Variants in NFYA observed in about 807,000 individuals in gnomAD.
NFYA encodes CAAT-box DNA binding protein subunit A.
NFYA carries 28 observed loss-of-function variants against 52.8 expected under a neutral mutation model. That is an observed-to-expected ratio of 0.53 (90% CI 0.39 to 0.73). The LOEUF (loss-of-function observed/expected upper bound fraction) is 0.73. Ranked by LOEUF, NFYA falls within the 30% of genes least tolerant of loss-of-function variation. The pLI, the probability that NFYA is intolerant of heterozygous loss-of-function variation, is 0.00. For synonymous variants in NFYA, 150 were observed against 150.7 expected, an observed-to-expected ratio of 1.00 and a Z score of 0.03; for missense variants, 234 against 427.0, an observed-to-expected ratio of 0.55 and a Z score of 3.98.
At chr6:41,080,651 C>T (rs971467999) in intron 2 of NFYA, among the ~76,000 whole-genome samples, 160 bp from the exon 3 acceptor site, 3 of 152,180 alleles carry the variant, frequency 2.0e-5, no homozygotes, top group African/African-American at 7.2e-5. Context: ...TATCTTTAAT[C>T]CTACTACCTT....
At position 41,102,386 on chromosome 6, in the gene NFYA, A is replaced by G. The variant is rs1764523524; in HGVS notation, c.*4976A>G. ...TTTGTATTTTATTTCAAAATAAAGT[A>G]TTCTCTTCTAACAATAACGTATCTC... On this transcript the variant is annotated 3_prime_UTR_variant, in exon 10 of 10. Transcript: ENST00000341376. 6.6e-6 allele frequency among the ~76,000 whole-genome samples: 1 copy of G among 152,234 alleles called. No homozygotes were observed. The highest frequency in any genetic ancestry group is 2.4e-5 in the African/African-American group (1 of 41,454).
At chr6:41,073,933 C>G (rs901564226) in intron 1 of NFYA, among the ~76,000 whole-genome samples, 1 of 152,246 alleles carries the variant, frequency 6.6e-6, no homozygotes, top group African/African-American at 2.4e-5. Context: ...GTCTCCGTTT[C>G]TTGTCCGGGC....
rs141819543 is a variant in NFYA at position 41,085,130 on chromosome 6, A to G, written c.309+938A>G. Among the ~76,000 whole-genome samples the G allele has an allele frequency of 3.8e-3, 582 of 152,296 alleles. 11 individuals are homozygous for G. In the South Asian group the frequency reaches 0.06, roughly 16 times the overall value. Reference sequence around the variant, plus strand: ...AAAAGAATTAATCATTATTTTTGGTAATTTAAAACTGTAGAGTTATTTTGG... The same window carrying G: ...AAAAGAATTAATCATTATTTTTGGTGATTTAAAACTGTAGAGTTATTTTGG... On this transcript the variant is annotated intron_variant, in intron 4 of 9. Coordinates refer to ENST00000341376, the MANE Select transcript of NFYA (RefSeq NM_002505.5).
In NFYA at chr6:41,094,491, T is replaced by G. The variant is rs200657227; in HGVS notation, c.984T>G (p.His328Gln). ...FFSPKEKDSP[H>Q]MQDPNQADEE... ...CTCCAAAGGAAAAGGATAGTCCCCATATGCAGGTAGGAAGACATATACATT... is the reference window on the plus strand; with the variant it reads ...CTCCAAAGGAAAAGGATAGTCCCCAGATGCAGGTAGGAAGACATATACATT... The change falls in exon 9 of 10, where the codon CAT becomes CAG. Residue 328 changes from histidine to glutamine, a missense_variant. Transcript: ENST00000341376. The G allele has an allele frequency of 1.4e-4, 224 of 1,612,792 alleles. No individual in the cohort carries two copies. The East Asian group carries it at 4.8e-3, about 34-fold the overall frequency.
At chr6:41,094,279 T>C in intron 8 of NFYA, 117 bp from the exon 9 acceptor site, 1 of 771,110 alleles carries the variant, frequency 1.3e-6, no homozygotes, top group Non-Finnish European at 2.2e-6. Flanking sequence ...GTCATAATTG[T>C]CCCTTGTGAC....
Position 41,079,115 on chromosome 6 carries a change from A to G in NFYA, c.26A>G (p.Asn9Ser), listed in dbSNP as rs145468438. The stretch of plus-strand genomic sequence containing the variant: ...ATGGAGCAGTATACAGCAAACAGCA[A>G]TAGTTCGACAGAGCAGATTGTTGTC... Reference protein sequence around the residue: MEQYTANSNSSTEQIVVQA... With the variant: MEQYTANSSSSTEQIVVQA... The change falls in exon 2 of 10, where the codon AAT (asparagine) becomes AGT (serine). Residue 9 changes from asparagine to serine, a missense_variant. Around this residue, in one of 3 missense-constraint regions of NFYA, gnomAD observed 118 missense variants for 182.4 expected, o/e 0.65. Coordinates refer to ENST00000341376, the MANE Select transcript of NFYA (RefSeq NM_002505.5). The G allele has an allele frequency of 4.7e-5, 76 of 1,614,104 alleles. No individual in the cohort carries two copies. The highest frequency in any genetic ancestry group is 1.1e-4 in the African/African-American group (8 of 74,950).
rs2113812767 is a variant in NFYA, at chr6:41,090,191, T to G, written c.442-13T>G. ...GGGATCTGTTGAATTGTGTCATTAC[T>G]TATTTCCTCCAGACACAGCAGCAGA... On this transcript the variant is annotated splice_polypyrimidine_tract_variant and intron_variant, in intron 5 of 9. Transcript: ENST00000341376. The G allele has an allele frequency of 1.3e-6, 2 of 1,557,478 alleles. No homozygotes were observed. Among genetic ancestry groups the G allele is most frequent in the Non-Finnish European group, 1.8e-6 (2 of 1,129,528 alleles).
rs1236738574 is a variant in NFYA at position 41,094,464 on chromosome 6, C to T, written c.957C>T (p.Phe319=). The T allele has an allele frequency of 6.2e-7, 1 of 1,614,186 alleles. No homozygotes were observed. Among genetic ancestry groups the T allele is most frequent in the Non-Finnish European group, 8.5e-7 (1 of 1,180,002 alleles). The part of the protein sequence containing the change: ...ARKRGEGGRF[F]SPKEKDSPHM... ...AGCGTGGTGAAGGTGGACGATTTTTCTCTCCAAAGGAAAAGGATAGTCCCC... is the reference window on the plus strand; with the variant it reads ...AGCGTGGTGAAGGTGGACGATTTTTTTCTCCAAAGGAAAAGGATAGTCCCC... The change falls in exon 9 of 10, where the codon TTC becomes TTT. Residue 319 remains phenylalanine, a synonymous_variant. Coordinates refer to ENST00000341376, the MANE Select transcript of NFYA (RefSeq NM_002505.5).
At chr6:41,091,837 T>A in intron 7 of NFYA, 143 bp downstream of exon 7, 1 of 895,830 alleles carries the variant, frequency 1.1e-6, no homozygotes, top group Non-Finnish European at 1.7e-6. Context: ...ACAATAACAT[T>A]ATGACAAACC....
rs1040920098 is a variant in NFYA, at chr6:41,099,534, T to C, written c.*2124T>C. The C allele has an allele frequency of 5.9e-5, 9 of 152,368 alleles. No individual in the cohort carries two copies. Among genetic ancestry groups the C allele is most frequent in the African/African-American group, 2.2e-4 (9 of 41,586 alleles). 9.4% of individuals were successfully genotyped at this position (152,368 alleles called of 1,614,324 possible). A position where few individuals can be genotyped will look rare whatever the true frequency, so the allele number is the denominator to read the frequency against. ...ATAGCTCATGACCCTTTTCTTGTGGTCACTTTGGCACACCATAGTAGCCCA... is the reference window on the plus strand; with the variant it reads ...ATAGCTCATGACCCTTTTCTTGTGGCCACTTTGGCACACCATAGTAGCCCA... On this transcript the variant is annotated 3_prime_UTR_variant, in exon 10 of 10. Coordinates refer to ENST00000341376, the MANE Select transcript of NFYA (RefSeq NM_002505.5).
chr6:41,085,738 G>A (rs1424859777), intron 4 of NFYA, among the ~76,000 whole-genome samples: 1 of 146,466 alleles, frequency 6.8e-6, no homozygotes, highest in African/African-American at 2.7e-5. Flanking sequence ...CCATGCATGT[G>A]GGGTTGTGTT....
rs2113796905 is a variant in NFYA at position 41,081,946 on chromosome 6, A to G, written c.162+1049A>G. ...GGGTTCTAATTTGGCCAGTTCCTATAAAACACAGGAGTAGCAGCACTAGTC... is the reference window on the plus strand; with the variant it reads ...GGGTTCTAATTTGGCCAGTTCCTATGAAACACAGGAGTAGCAGCACTAGTC... On this transcript the variant is annotated intron_variant, in intron 3 of 9. Coordinates refer to ENST00000341376, the MANE Select transcript of NFYA (RefSeq NM_002505.5). Among the ~76,000 whole-genome samples, 3 of 152,342 alleles carry G rather than the reference A, an allele frequency of 2.0e-5. No homozygotes were observed. In the South Asian group the frequency reaches 6.2e-4, roughly 32 times the overall value.
At position 41,097,529 on chromosome 6, in the gene NFYA, C is replaced by A; in HGVS notation, c.*119C>A. 9.6e-7 allele frequency: 1 copy of A among 1,045,750 alleles called. No homozygotes were observed. The highest frequency in any genetic ancestry group is 2.5e-5 in the East Asian group (1 of 39,952). 64.8% of individuals were successfully genotyped at this position (1,045,750 alleles called of 1,614,324 possible). A position where few individuals can be genotyped will look rare whatever the true frequency, so the allele number is the denominator to read the frequency against. ...CTGCCCTTTACTACAGGACAGAAACCACTTAGTTTTTAATAAGTGGCTCAG... is the reference window on the plus strand; with the variant it reads ...CTGCCCTTTACTACAGGACAGAAACAACTTAGTTTTTAATAAGTGGCTCAG... On this transcript the variant is annotated 3_prime_UTR_variant, in exon 10 of 10. Coordinates refer to ENST00000341376, the MANE Select transcript of NFYA (RefSeq NM_002505.5).
chr6:41,077,969 A>AT (rs1763786924), intron 1 of NFYA, among the ~76,000 whole-genome samples: 1 of 151,966 alleles, frequency 6.6e-6, no homozygotes, highest in Non-Finnish European at 1.5e-5. Flanking sequence ...TTTTCCTAAC[A>AT]TTCCAACATT....
chr6:41,080,853 C>T lies in NFYA; in HGVS notation c.118C>T (p.Gln40Ter). The T allele has an allele frequency of 2.5e-6, 4 of 1,614,068 alleles. No homozygotes were observed. The highest frequency in any genetic ancestry group is 3.4e-6 in the Non-Finnish European group (4 of 1,179,918). ...TGCTGTGCAGTTGCAGACTGAGGCCCAGGTGGCATCCGCCTCAGGCCAGCA... is the reference window on the plus strand; with the variant it reads ...TGCTGTGCAGTTGCAGACTGAGGCCTAGGTGGCATCCGCCTCAGGCCAGCA... Reference protein sequence around the residue: ...VTAVQLQTEAQVASASGQQVQ... With the variant: ...VTAVQLQTEA Residue 40 changes from glutamine (Q) to a stop codon, truncating the protein, a stop_gained, in exon 3 of 10, where the codon CAG becomes TAG. Transcript: ENST00000341376. LOFTEE classifies it high-confidence loss of function.
intron 7 of NFYA, among the ~76,000 whole-genome samples, chr6:41,092,534 CTA>C (rs1343042755): frequency 6.6e-6 from 1 of 152,116 alleles, no homozygotes; most frequent in African/African-American, 2.4e-5. Flanking sequence ...TATAAGTTAA[CTA>C]TTATTTTTAT....
At chr6:41,081,022 A>G in intron 3 of NFYA, 125 bp downstream of exon 3, 1 of 692,250 alleles carries the variant, frequency 1.4e-6, no homozygotes, top group Non-Finnish European at 2.5e-6. Context: ...GATGCTGCTA[A>G]CTTGTCTTTG....
At chr6:41,091,459 T>C (rs1053344089) in intron 6 of NFYA, 69 bp from the exon 7 acceptor site, 116 of 1,498,796 alleles carry the variant, frequency 7.7e-5, no homozygotes, top group Non-Finnish European at 1.0e-4. Context: ...GAAGAGGGAC[T>C]AACTATGTTC....
In NFYA at chr6:41,100,566, T is replaced by A. The variant is rs879445743; in HGVS notation, c.*3156T>A. On this transcript the variant is annotated 3_prime_UTR_variant, in exon 10 of 10. Transcript: ENST00000341376. ...CCCTGGCAGATGAGAGAGGAGAAAC[T>A]CTCCACAATGAAGGAAAAGCACTGA... 2.6e-5 allele frequency among the ~76,000 whole-genome samples: 4 copies of A among 152,214 alleles called. No homozygotes were observed. Among genetic ancestry groups the A allele is most frequent in the Middle Eastern group, 3.4e-3 (1 of 294 alleles).
Sources: allele counts gnomAD v4.1 joint callset (sites outside exome capture counted in the v4.1 genomes callset), GRCh38; gene constraint gnomAD v4.1.1; regional missense constraint gnomAD v4.1.1; transcripts MANE v1.5; gene names NCBI Gene and HGNC (gene_info 2026-07-23, HGNC 2026-07-21).